The following SCAPER variants were observed in gnomAD, a reference collection of about 807,000 sequenced individuals.
SCAPER encodes the protein S phase cyclin A-associated protein in the endoplasmic reticulum.
Under a neutral mutation model 182.2 loss-of-function variants are expected in SCAPER, and 98 were observed. That is an observed-to-expected ratio of 0.54 (90% CI 0.46 to 0.64). The LOEUF is 0.64. Among genes scored for constraint, SCAPER ranks in the 30% least tolerant of loss-of-function variants. SCAPER has a pLI of 0.00. For synonymous variants in SCAPER, 605 were observed against 564.6 expected (o/e 1.07, Z -1.01); for missense variants, 1,432 against 1,690.0 (o/e 0.85, Z 2.68).
At chr15:76,816,184 T>G (rs2067062872) in intron 5 of SCAPER, among the ~76,000 whole-genome samples, 1 of 152,212 alleles carries the variant, frequency 6.6e-6, no homozygotes, top group African/African-American at 2.4e-5. Context: ...ACAAAAATTT[T>G]CTGTCTTCCT....
At chr15:76,635,163 C>T (rs1005992457) in intron 21 of SCAPER, among the ~76,000 whole-genome samples, 5 of 152,150 alleles carry the variant, frequency 3.3e-5, no homozygotes, top group African/African-American at 1.2e-4. Context: ...TTCAGGGTCT[C>T]TGGAGCCTAT....
At chr15:76,582,849 A>G (rs2048360180) in intron 22 of SCAPER, among the ~76,000 whole-genome samples, 1 of 152,218 alleles carries the variant, frequency 6.6e-6, no homozygotes, top group Non-Finnish European at 1.5e-5. Context: ...TACATTGAGG[A>G]AAAAACAGTC....
intron 20 of SCAPER, among the ~76,000 whole-genome samples, chr15:76,678,431 T>A (rs2057490657): frequency 6.6e-6 from 1 of 151,964 alleles, no homozygotes; most frequent in Non-Finnish European, 1.5e-5. Context: ...TCCTCACATT[T>A]AAAAAATATT....
chr15:76,871,158 C>T (rs759475658), intron 2 of SCAPER, among the ~76,000 whole-genome samples: 62 of 151,936 alleles, frequency 4.1e-4, no homozygotes, highest in Non-Finnish European at 6.8e-4. Flanking sequence ...GCCTGTAATC[C>T]CAGCACTTTG....
chr15:76,704,228 T>C (rs1411391254), intron 18 of SCAPER, among the ~76,000 whole-genome samples: 3 of 152,128 alleles, frequency 2.0e-5, no homozygotes, highest in Non-Finnish European at 4.4e-5. Context: ...AAACAGGAAA[T>C]GTTAGATGAG....
rs554499774 is a variant in SCAPER, at chr15:76,594,599, G to T, written c.2712-20315C>A. Among the ~76,000 whole-genome samples, 26 of 121,794 alleles carry T rather than the reference G, an allele frequency of 2.1e-4. 7 individuals are homozygous for T. The South Asian group carries it at 4.4e-3, about 20-fold the overall frequency. 79.9% of individuals were successfully genotyped at this position (121,794 alleles called of 152,430 possible). ...AGAGAAAGGTCGGGTTATCCACAAA[G>T]GGAAGCCCATCAGACTAACAGCGGA... On this transcript the variant is annotated intron_variant, in intron 22 of 31. Transcript: ENST00000563290.
intron 3 of SCAPER, among the ~76,000 whole-genome samples, chr15:76,859,878 C>T (rs555852621): frequency 6.6e-5 from 10 of 152,202 alleles, no homozygotes; most frequent in Admixed American, 3.9e-4. Flanking sequence ...CCATGCCCCG[C>T]TAATTGTTTT....
intron 17 of SCAPER, among the ~76,000 whole-genome samples, chr15:76,715,863 C>T (rs1050239675): frequency 6.6e-6 from 1 of 152,178 alleles, no homozygotes; most frequent in Admixed American, 6.5e-5. Context: ...CAGAAACAAA[C>T]ACTGTGTAGT....
At chr15:76,715,567 C>G (rs1169598576) in intron 17 of SCAPER, among the ~76,000 whole-genome samples, 2 of 152,076 alleles carry the variant, frequency 1.3e-5, no homozygotes, top group East Asian at 3.9e-4. Flanking sequence ...TCTTGCCATT[C>G]CTGGCTCCTT....
chr15:76,383,422 T>C (rs2043100788), intron 27 of SCAPER, among the ~76,000 whole-genome samples: 1 of 152,208 alleles, frequency 6.6e-6, no homozygotes, highest in Non-Finnish European at 1.5e-5. Context: ...TACACATTCA[T>C]TTCTTGAATG....
At chr15:76,872,468 C>T (rs1039615399) in intron 2 of SCAPER, among the ~76,000 whole-genome samples, 1 of 151,972 alleles carries the variant, frequency 6.6e-6, no homozygotes, top group Admixed American at 6.5e-5. Context: ...GAGCTCATTA[C>T]CTTCAAAGGG....
At chr15:76,454,301 G>A (rs143561358) in intron 25 of SCAPER, among the ~76,000 whole-genome samples, 155 of 152,236 alleles carry the variant, frequency 1.0e-3, no homozygotes, top group African/African-American at 3.5e-3. Flanking sequence ...ATCCTTAAGA[G>A]ATATTGTATT....
intron 8 of SCAPER, among the ~76,000 whole-genome samples, chr15:76,782,304 T>C (rs1401339952): frequency 6.6e-6 from 1 of 152,156 alleles, no homozygotes; most frequent in Non-Finnish European, 1.5e-5. Context: ...CATTACATAC[T>C]AGTAAAGGGA....
intron 8 of SCAPER, among the ~76,000 whole-genome samples, chr15:76,789,094 A>T (rs1329691532): frequency 6.6e-6 from 1 of 152,192 alleles, no homozygotes; most frequent in Non-Finnish European, 1.5e-5. Context: ...GCATTTTCTT[A>T]AAAATATAAC....
chr15:76,483,919 T>A (rs1050201379), intron 24 of SCAPER, among the ~76,000 whole-genome samples: 1 of 152,134 alleles, frequency 6.6e-6, no homozygotes, highest in Non-Finnish European at 1.5e-5. Context: ...TAAAGTCACA[T>A]TGGAAGACAG....
intron 24 of SCAPER, among the ~76,000 whole-genome samples, chr15:76,483,051 T>C (rs1178821415): frequency 6.6e-6 from 1 of 151,948 alleles, no homozygotes; most frequent in Non-Finnish European, 1.5e-5. Flanking sequence ...TAATATTAAA[T>C]AAGAAGGATA....
chr15:76,456,333 T>C (rs2048733363), intron 25 of SCAPER, among the ~76,000 whole-genome samples: 1 of 152,228 alleles, frequency 6.6e-6, no homozygotes, highest in African/African-American at 2.4e-5. Flanking sequence ...CAACATCTGT[T>C]GTTTCCTGAT....
At chr15:76,859,935 C>G (rs1000275707) in intron 3 of SCAPER, among the ~76,000 whole-genome samples, 1 of 152,012 alleles carries the variant, frequency 6.6e-6, no homozygotes, top group African/African-American at 2.4e-5. Flanking sequence ...AGGCTGGTCT[C>G]GAACTCCTGA....
chr15:76,709,996 CA>C (rs1181661135), intron 17 of SCAPER, among the ~76,000 whole-genome samples: 1 of 152,092 alleles, frequency 6.6e-6, no homozygotes, highest in East Asian at 1.9e-4. Flanking sequence ...AAACTAGAAA[CA>C]GAAAGAAACT....
Sources: allele counts gnomAD v4.1 joint callset (sites outside exome capture counted in the v4.1 genomes callset), GRCh38; gene constraint gnomAD v4.1.1; transcripts MANE v1.5; gene names NCBI Gene and HGNC (gene_info 2026-07-23, HGNC 2026-07-21).